The following PSME2 variants were observed in gnomAD, a reference collection of about 807,000 sequenced individuals.
PSME2 encodes proteasome activator subunit 2.
PSME2 carries 20 observed loss-of-function variants against 38.8 expected under a neutral mutation model. That is an observed-to-expected ratio of 0.52 (90% CI 0.36 to 0.75). The LOEUF is 0.75. PSME2 is among the 30% of genes least tolerant of loss of function. The probability of loss-of-function intolerance (pLI) is 0.00; values close to 1 mark genes in which losing one functional copy is unlikely to be tolerated. For missense variants in PSME2, 227 were observed against 287.6 expected, an observed-to-expected ratio of 0.79 and a Z score of 1.52; for synonymous variants, 82 against 102.5, an observed-to-expected ratio of 0.80 and a Z score of 1.21.
In PSME2 at chr14:24,143,705, A is replaced by T. The variant is rs1241199843; in HGVS notation, c.553-34T>A. 1 of 1,603,348 alleles carries T rather than the reference A, an allele frequency of 6.2e-7. No individual in the cohort carries two copies. The highest frequency in any genetic ancestry group is 1.7e-5 in the Admixed American group (1 of 59,972). ...TGGGAGGCAAAGCTGAGTCAGTCCC[A>T]TGGGAGGCTGGGACATGAGTCTGGT... is the stretch of plus-strand genomic sequence containing the variant. On this transcript the variant is annotated intron_variant, in intron 9 of 10. Transcript: ENST00000216802. This position sits in a 1 kb window ranked among gnomAD's most constrained non-coding sequence, Gnocchi z 4.4.
At chr14:24,144,897 TA>T in intron 6 of PSME2, 160 bp downstream of exon 6, 1 of 737,272 alleles carries the variant, frequency 1.4e-6, no homozygotes, top group Non-Finnish European at 2.3e-6. Flanking sequence ...AAGAGAGGTC[TA>T]ACAGAACGAG....
At chr14:24,146,071 G>A in intron 2 of PSME2, 137 bp downstream of exon 2, 1 of 1,072,518 alleles carries the variant, frequency 9.3e-7, no homozygotes, top group Admixed American at 1.9e-5. Flanking sequence ...AATAATTCCG[G>A]GGTTACTTTG....
rs1397827065 is a variant in PSME2, at chr14:24,146,553, C to G, written c.29G>C (p.Ser10Thr). MAKPCGVRL[S>T]GEARKQVEVF... ...CATTACCTGTTTGCGGGCTTCCCCG[C>G]TCAGGCGCACCCCACACGGCTTGGC... is the stretch of plus-strand genomic sequence containing the variant. Residue 10 changes from serine to threonine, a missense_variant, in exon 1 of 11, where the codon AGC becomes ACC. Ser to Thr is a moderately conservative substitution (Grantham distance 58). Transcript: ENST00000216802. 1 of 1,613,970 alleles carries G rather than the reference C, an allele frequency of 6.2e-7. No homozygotes were observed. Among genetic ancestry groups the G allele is most frequent in the Non-Finnish European group, 8.5e-7 (1 of 1,180,038 alleles).
At chr14:24,144,618 C>T (rs1267410308) in intron 6 of PSME2, 150 bp from the exon 7 acceptor site, 2 of 751,254 alleles carry the variant, frequency 2.7e-6, no homozygotes, top group African/African-American at 1.7e-5. Flanking sequence ...ATCATCACAG[C>T]AACCTTCAGA....
Position 24,145,373 on chromosome 14 carries a change from C to T in PSME2, c.231+6G>A. The T allele has an allele frequency of 4.4e-6, 7 of 1,601,430 alleles. No homozygotes were observed. The highest frequency in any genetic ancestry group is 5.1e-6 in the Non-Finnish European group (6 of 1,173,204). ...TAGTCCAAGTCCTGCACCCTGAGTG[C>T]CTCACCTCATCATCCTTGGGTGGAG... On this transcript the variant is annotated splice_donor_region_variant and intron_variant, in intron 4 of 10. Transcript: ENST00000216802.
At chr14:24,145,824 G>C (rs1477599431) in intron 2 of PSME2, 52 bp from the exon 3 acceptor site, 1 of 1,551,700 alleles carries the variant, frequency 6.4e-7, no homozygotes, top group Admixed American at 1.7e-5. Context: ...TCAATGAGAT[G>C]TCTGACAAAT....
At chr14:24,145,985 T>C (rs1484696592) in intron 2 of PSME2, 5 of 809,376 alleles carry the variant, frequency 6.2e-6, no homozygotes, top group Non-Finnish European at 8.3e-6. Flanking sequence ...ATGGTTTTTT[T>C]CCTCCACATC....
At chr14:24,144,318 C>G in intron 7 of PSME2, 59 bp from the exon 8 acceptor site, 2 of 1,609,646 alleles carry the variant, frequency 1.2e-6, no homozygotes, top group Non-Finnish European at 8.5e-7. Context: ...CATACACTAT[C>G]TTCCTCCTCC....
intron 8 of PSME2, 32 bp from the exon 9 acceptor site, chr14:24,144,061 A>T: frequency 6.2e-7 from 1 of 1,612,658 alleles, no homozygotes; most frequent in Non-Finnish European, 8.5e-7. Context: ...CACAGGAATG[A>T]GTGTTCAGGG....
chr14:24,146,278 C>G, intron 1 of PSME2, 38 bp from the exon 2 acceptor site: 1 of 1,611,834 alleles, frequency 6.2e-7, no homozygotes, highest in Non-Finnish European at 8.5e-7. Flanking sequence ...GGTTAAGGGT[C>G]TGGGTTGTCA....
Position 24,144,453 on chromosome 14 carries a change from G to A in PSME2, c.376C>T (p.Gln126Ter). The part of the protein sequence containing the change: ...EKCILVITWI[Q>*]HLIPKIEDGN... ...TCTTCAATCTTGGGGATCAGGTGTT[G>A]GATCCATGTAATCACCTGTGTTAAG... The change falls in exon 7 of 11, where the codon CAA (glutamine) becomes TAA (stop). Residue 126 changes from glutamine to a stop codon, truncating the protein, a stop_gained. Coordinates refer to ENST00000216802, the MANE Select transcript of PSME2 (RefSeq NM_002818.3). LOFTEE classifies it high-confidence loss of function. 6.2e-7 allele frequency: 1 copy of A among 1,612,606 alleles called. No individual in the cohort carries two copies. The highest frequency in any genetic ancestry group is 1.1e-5 in the South Asian group (1 of 91,032).
At chr14:24,145,994 T>A (rs1322663198) in intron 2 of PSME2, 1 of 812,018 alleles carries the variant, frequency 1.2e-6, no homozygotes, top group Non-Finnish European at 2.1e-6. Context: ...TTCCTCCACA[T>A]CAAAAGACGG....
intron 6 of PSME2, 115 bp downstream of exon 6, chr14:24,144,943 G>A (rs1269578394): frequency 3.8e-6 from 4 of 1,054,944 alleles, no homozygotes; most frequent in Non-Finnish European, 5.7e-6. Flanking sequence ...AGGCACAGAA[G>A]GAAGTTTTCT....
intron 6 of PSME2, 137 bp downstream of exon 6, chr14:24,144,921 G>T (rs2139068265): frequency 2.4e-6 from 2 of 848,648 alleles, no homozygotes; most frequent in Middle Eastern, 3.6e-4. Context: ...GAACAAAGGG[G>T]ATCTAAGCCC....
At chr14:24,146,062 A>G in intron 2 of PSME2, 146 bp downstream of exon 2, 1 of 1,012,260 alleles carries the variant, frequency 9.9e-7, no homozygotes, top group Non-Finnish European at 1.5e-6. Flanking sequence ...GTAGCTATCA[A>G]TAATTCCGGG....
intron 2 of PSME2, 119 bp downstream of exon 2, chr14:24,146,089 G>A: frequency 2.3e-6 from 3 of 1,284,734 alleles, no homozygotes; most frequent in Non-Finnish European, 3.4e-6. Context: ...TTGGGTGAAG[G>A]CTTGGTAAGG....
Position 24,143,906 on chromosome 14 carries a change from A to G in PSME2, c.552+69T>C. 6.5e-7 allele frequency: 1 copy of G among 1,531,842 alleles called. No homozygotes were observed. Among genetic ancestry groups the G allele is most frequent in the East Asian group, 2.2e-5 (1 of 44,468 alleles). The allele number at this position is 1,531,842 out of a possible 1,614,324, so 94.9% of individuals were successfully genotyped here. A position where few individuals can be genotyped will look rare whatever the true frequency, so the allele number is the denominator to read the frequency against. On this transcript the variant is annotated intron_variant, in intron 9 of 10. Transcript: ENST00000216802. This position sits in a 1 kb window ranked among gnomAD's most constrained non-coding sequence, Gnocchi z 4.4. ...CATTGGGAAAGTCACAAACAAGACA[A>G]GGAGGACTTCTTCCTCCACACCTCC...
intron 2 of PSME2, 144 bp from the exon 3 acceptor site, chr14:24,145,916 C>T: frequency 1.1e-6 from 1 of 950,498 alleles, no homozygotes; most frequent in South Asian, 1.4e-5. Flanking sequence ...AAAGGACTTG[C>T]CCAAGCTGGT....
chr14:24,144,459 A>G lies in PSME2; in HGVS notation c.370T>C (p.Trp124Arg), dbSNP rs1241407357. ...LKEKCILVIT[W>R]IQHLIPKIED... Reference sequence around the variant, plus strand: ...ATCTTGGGGATCAGGTGTTGGATCCATGTAATCACCTGTGTTAAGAGGTAT... The same window carrying G: ...ATCTTGGGGATCAGGTGTTGGATCCGTGTAATCACCTGTGTTAAGAGGTAT... The change falls in exon 7 of 11, where the codon TGG (tryptophan) becomes CGG (arginine). Residue 124 changes from tryptophan to arginine, a missense_variant. Transcript: ENST00000216802. The G allele has an allele frequency of 1.9e-6, 3 of 1,611,880 alleles. No homozygotes were observed. The highest frequency in any genetic ancestry group is 2.5e-6 in the Non-Finnish European group (3 of 1,178,030).
Sources: allele counts gnomAD v4.1 joint callset, GRCh38; gene constraint gnomAD v4.1.1; non-coding constraint Gnocchi (gnomAD v3.1); transcripts MANE v1.5; gene names NCBI Gene and HGNC (gene_info 2026-07-23, HGNC 2026-07-21).